DYM: variants seen among roughly 807,000 people sequenced by gnomAD.
DYM encodes dymeclin.
In DYM, 78 loss-of-function variants were observed where a neutral mutation model predicts 93.1. That is an observed-to-expected ratio of 0.84 (90% CI 0.70 to 1.01). The LOEUF is 1.01. DYM is among the 50% of genes least tolerant of loss of function. The pLI is 0.00. For missense variants in DYM, 789 were observed against 845.0 expected (o/e 0.93, Z 0.82); for synonymous variants, 321 against 319.7 (o/e 1.00, Z -0.04).
At chr18:49,319,940 G>C (rs1034602596) in intron 8 of DYM, among the ~76,000 whole-genome samples, 5 of 152,164 alleles carry the variant, frequency 3.3e-5, no homozygotes, top group African/African-American at 1.2e-4. Flanking sequence ...AATTGTGTTT[G>C]ACAGGACTTT....
In DYM at chr18:49,391,653, G is replaced by T; in HGVS notation, c.141-8C>A. The T allele has an allele frequency of 6.2e-7, 1 of 1,610,900 alleles. No individual in the cohort carries two copies. Among genetic ancestry groups the T allele is most frequent in the South Asian group, 1.1e-5 (1 of 91,002 alleles). On this transcript the variant is annotated splice_polypyrimidine_tract_variant and splice_region_variant and intron_variant, in intron 2 of 17. Coordinates refer to ENST00000675505, the MANE Select transcript of DYM (RefSeq NM_001353214.3). ...AAGAGTTTCAACTCACTACTGGAGA[G>T]ACAGAAGAATAAAGGTAATTAATGA...
chr18:49,343,449 C>A (rs1449549239), intron 6 of DYM, among the ~76,000 whole-genome samples: 1 of 152,236 alleles, frequency 6.6e-6, no homozygotes, highest in Admixed American at 6.5e-5. Flanking sequence ...ATAAGGTCCA[C>A]TTCACAAGAA....
intron 15 of DYM, among the ~76,000 whole-genome samples, chr18:49,132,542 T>A (rs1214542053): frequency 1.6e-4 from 24 of 152,286 alleles, no homozygotes. Flanking sequence ...AAGGAATATA[T>A]AATTACTATG....
At chr18:49,286,880 G>C (rs1361527224) in intron 8 of DYM, among the ~76,000 whole-genome samples, 1 of 152,100 alleles carries the variant, frequency 6.6e-6, no homozygotes, top group Non-Finnish European at 1.5e-5. Flanking sequence ...ATGAAATTTA[G>C]TAGAAAAATT....
chr18:49,106,878 C>T (rs1228223581), intron 16 of DYM, among the ~76,000 whole-genome samples: 16 of 152,096 alleles, frequency 1.1e-4, no homozygotes, highest in Admixed American at 2.6e-4. Flanking sequence ...CTGACAATTA[C>T]GTGTCTTGGA....
At chr18:49,281,500 A>C (rs939103826) in intron 10 of DYM, among the ~76,000 whole-genome samples, 1 of 152,236 alleles carries the variant, frequency 6.6e-6, no homozygotes, top group African/African-American at 2.4e-5. Flanking sequence ...AGACACATGC[A>C]CACGCATGTT....
At chr18:49,290,934 C>G (rs541957404) in intron 8 of DYM, among the ~76,000 whole-genome samples, 1 of 152,056 alleles carries the variant, frequency 6.6e-6, no homozygotes, top group Non-Finnish European at 1.5e-5. Context: ...TTCCTGGTCA[C>G]CAACTCCCCC....
intron 1 of DYM, 49 bp from the exon 2 acceptor site, chr18:49,430,496 G>T: frequency 7.2e-7 from 1 of 1,394,762 alleles, no homozygotes; most frequent in Non-Finnish European, 9.9e-7. Flanking sequence ...AAGTCATCAT[G>T]CTTTGTCTAC....
At chr18:49,130,019 G>A (rs576112228) in intron 15 of DYM, among the ~76,000 whole-genome samples, 1 of 152,292 alleles carries the variant, frequency 6.6e-6, no homozygotes, top group East Asian at 1.9e-4. Context: ...AAACCAAGTT[G>A]GGTTCAGGAT....
At position 49,097,206 on chromosome 18, in the gene DYM, T is replaced by C. The variant is rs143766489; in HGVS notation, c.2025+196A>G. 94 of 619,744 alleles carry C rather than the reference T, an allele frequency of 1.5e-4. No homozygotes were observed. In the African/African-American group the frequency reaches 1.6e-3, roughly 11 times the overall value. 38.4% of individuals were successfully genotyped at this position (619,744 alleles called of 1,614,324 possible). A position where few individuals can be genotyped will look rare whatever the true frequency, so the allele number is the denominator to read the frequency against. On this transcript the variant is annotated intron_variant, in intron 17 of 17. Transcript: ENST00000675505. ...AATTATAGTGCATGCCATGGCTACT[T>C]GTAGGATATGCAGTGGCATGAAAGT...
rs200067563 is a variant in DYM at position 49,038,419 on chromosome 18, A to T, written c.*5636T>A. ...GATTATCTTTCTAGTAATTGAATTG[A>T]CCCTTTTATTTCTTAAAAAAATTAT... On this transcript the variant is annotated 3_prime_UTR_variant, in exon 18 of 18. Transcript: ENST00000675505. Among the ~76,000 whole-genome samples the T allele has an allele frequency of 3.9e-5, 6 of 152,122 alleles. No homozygotes were observed. The East Asian group carries it at 1.2e-3, about 29-fold the overall frequency.
chr18:49,163,308 G>C (rs551809354), intron 15 of DYM, among the ~76,000 whole-genome samples: 3 of 152,064 alleles, frequency 2.0e-5, no homozygotes, highest in African/African-American at 7.2e-5. Flanking sequence ...GAAGAGAGGG[G>C]TAATGCTATT....
chr18:49,195,779 G>A (rs1018068604), intron 14 of DYM, among the ~76,000 whole-genome samples: 1 of 152,164 alleles, frequency 6.6e-6, no homozygotes, highest in African/African-American at 2.4e-5. Flanking sequence ...GAAAAGCAAT[G>A]CAATTCCACA....
chr18:49,269,879 C>T (rs2094647260), intron 11 of DYM, among the ~76,000 whole-genome samples: 1 of 152,202 alleles, frequency 6.6e-6, no homozygotes, highest in Non-Finnish European at 1.5e-5. Context: ...TTCACATTTA[C>T]TCACCACTCA....
intron 2 of DYM, among the ~76,000 whole-genome samples, chr18:49,399,618 G>A (rs2070528784): frequency 6.6e-6 from 1 of 152,136 alleles, no homozygotes; most frequent in Admixed American, 6.5e-5. Context: ...GACAAGGTAA[G>A]AAGTCCATTC....
At chr18:49,249,072 G>A (rs958790545) in intron 13 of DYM, among the ~76,000 whole-genome samples, 1 of 152,192 alleles carries the variant, frequency 6.6e-6, no homozygotes, top group Non-Finnish European at 1.5e-5. Flanking sequence ...AATCCCAGGA[G>A]TTTGGATCCA....
At chr18:49,386,170 A>G (rs573314264) in intron 3 of DYM, among the ~76,000 whole-genome samples, 1 of 152,298 alleles carries the variant, frequency 6.6e-6, no homozygotes, top group South Asian at 2.1e-4. Flanking sequence ...AAAATTTCTC[A>G]TGATTTTCAG....
intron 11 of DYM, among the ~76,000 whole-genome samples, chr18:49,271,092 A>G (rs1217204429): frequency 6.6e-6 from 1 of 152,152 alleles, no homozygotes; most frequent in Non-Finnish European, 1.5e-5. Context: ...AGATGAACAG[A>G]TCAACCAGGG....
At chr18:49,147,677 A>C (rs895236495) in intron 15 of DYM, among the ~76,000 whole-genome samples, 42 of 152,116 alleles carry the variant, frequency 2.8e-4, no homozygotes, top group African/African-American at 3.9e-4. Flanking sequence ...GGCAATCATT[A>C]AAAAGTCAGG....
Sources: gnomAD v4.1 joint callset for allele counts (sites outside exome capture counted in the v4.1 genomes callset) on GRCh38, gnomAD v4.1.1 for gene constraint, MANE v1.5 for transcripts, NCBI Gene and HGNC (gene_info 2026-07-23, HGNC 2026-07-21) for gene names.